The following CDH12 variants were observed in gnomAD, a reference collection of about 807,000 sequenced individuals.
CDH12 encodes cadherin 12.
CDH12 carries 41 observed loss-of-function variants against 74.1 expected under a neutral mutation model. The ratio of observed to expected loss-of-function variants is 0.55; its 90% CI spans 0.43 to 0.72. CDH12 has a LOEUF of 0.72. CDH12 is among the 30% of genes least tolerant of loss of function. CDH12 has a pLI of 0.00. For synonymous variants in CDH12, 399 were observed against 355.0 expected (o/e 1.12, Z -1.39); for missense variants, 945 against 977.2 (o/e 0.97, Z 0.44).
intron 3 of CDH12, among the ~76,000 whole-genome samples, chr5:22,354,403 G>A (rs979134605): frequency 6.6e-6 from 1 of 152,122 alleles, no homozygotes; most frequent in Non-Finnish European, 1.5e-5. Context: ...TTGTCAGTAG[G>A]TTCAGGGAGC....
intron 2 of CDH12, among the ~76,000 whole-genome samples, chr5:22,424,063 G>A (rs1478733973): frequency 1.3e-5 from 2 of 149,516 alleles, no homozygotes; most frequent in Non-Finnish European, 3.0e-5. Context: ...AAAAAAGAGG[G>A]TGACTGCATT....
chr5:22,763,644 T>A (rs1441880206), intron 1 of CDH12, among the ~76,000 whole-genome samples: 2 of 152,042 alleles, frequency 1.3e-5, no homozygotes, highest in African/African-American at 2.4e-5. Context: ...TTCTAACCTA[T>A]AAAAGTAAGA....
Position 22,814,102 on chromosome 5 carries a change from G to A in CDH12, c.-523+38956C>T, listed in dbSNP as rs147471154. On this transcript the variant is annotated intron_variant, in intron 1 of 14. Coordinates refer to ENST00000382254, the MANE Select transcript of CDH12 (RefSeq NM_004061.5). Reference sequence around the variant, plus strand: ...TGCAGAGATAAAGAGGAATACTTGAGTATTTGTTGATTTAGTCATTGAAAA... The same window carrying A: ...TGCAGAGATAAAGAGGAATACTTGAATATTTGTTGATTTAGTCATTGAAAA... 4.6e-5 allele frequency among the ~76,000 whole-genome samples: 7 copies of A among 152,194 alleles called. No individual in the cohort carries two copies. The East Asian group carries it at 1.2e-3, about 25-fold the overall frequency.
At chr5:22,841,577 A>T (rs886113061) in intron 1 of CDH12, among the ~76,000 whole-genome samples, 1 of 152,070 alleles carries the variant, frequency 6.6e-6, no homozygotes, top group African/African-American at 2.4e-5. Flanking sequence ...GTTGGATGAG[A>T]TCTCTAAGGG....
chr5:22,644,473 T>G (rs1288663314), intron 1 of CDH12, among the ~76,000 whole-genome samples: 1 of 151,892 alleles, frequency 6.6e-6, no homozygotes, highest in Non-Finnish European at 1.5e-5. Context: ...TCTTCAATTC[T>G]ATGAAGGTTG....
At chr5:22,488,299 T>C (rs1013607391) in intron 2 of CDH12, among the ~76,000 whole-genome samples, 1 of 152,230 alleles carries the variant, frequency 6.6e-6, no homozygotes, top group Non-Finnish European at 1.5e-5. Flanking sequence ...GAGAAAATAG[T>C]GCAAAATAAA....
chr5:22,371,319 A>G (rs1210183732), intron 3 of CDH12, among the ~76,000 whole-genome samples: 3 of 152,190 alleles, frequency 2.0e-5, no homozygotes, highest in Admixed American at 2.0e-4. Context: ...ATGCTTCTAC[A>G]TATAAGTATT....
chr5:22,498,489 T>A (rs1747196759), intron 2 of CDH12, among the ~76,000 whole-genome samples: 1 of 151,988 alleles, frequency 6.6e-6, no homozygotes, highest in East Asian at 1.9e-4. Flanking sequence ...CTACTGATAT[T>A]TTATATAAAC....
At chr5:22,039,262 T>C (rs953185561) in intron 5 of CDH12, among the ~76,000 whole-genome samples, 1 of 151,982 alleles carries the variant, frequency 6.6e-6, no homozygotes, top group Non-Finnish European at 1.5e-5. Flanking sequence ...ACCTCCAGAG[T>C]ACCTCTTCTT....
intron 3 of CDH12, among the ~76,000 whole-genome samples, chr5:22,336,786 G>A (rs1400526029): frequency 1.3e-5 from 2 of 152,242 alleles, no homozygotes; most frequent in Non-Finnish European, 2.9e-5. Flanking sequence ...CAGTGTGGAA[G>A]GGAAATGTGA....
intron 3 of CDH12, among the ~76,000 whole-genome samples, chr5:22,360,757 G>C (rs1580563679): frequency 6.6e-6 from 1 of 152,280 alleles, no homozygotes; most frequent in East Asian, 1.9e-4. Context: ...TCATCCCTGG[G>C]ATGCAAGGCT....
intron 1 of CDH12, among the ~76,000 whole-genome samples, chr5:22,586,821 CAG>C (rs1740424826): frequency 6.9e-6 from 1 of 145,236 alleles, no homozygotes. Flanking sequence ...CCCAATGCAA[CAG>C]AGTTTAGAGG....
intron 1 of CDH12, among the ~76,000 whole-genome samples, chr5:22,549,507 G>A (rs1738472250): frequency 6.6e-6 from 1 of 151,856 alleles, no homozygotes; most frequent in Non-Finnish European, 1.5e-5. Flanking sequence ...CTCTTCCAGA[G>A]AGCTATTTTG....
At position 22,676,170 on chromosome 5, in the gene CDH12, T is replaced by A. The variant is rs1036851880; in HGVS notation, c.-522-170806A>T. ...GTTTTTATTCTCATTGTTGTAACAGTAAGCATGCAATTTTCTAATATTTGA... is the reference window on the plus strand; with the variant it reads ...GTTTTTATTCTCATTGTTGTAACAGAAAGCATGCAATTTTCTAATATTTGA... On this transcript the variant is annotated intron_variant, in intron 1 of 14. Coordinates refer to ENST00000382254, the MANE Select transcript of CDH12 (RefSeq NM_004061.5). Among the ~76,000 whole-genome samples the A allele has an allele frequency of 5.3e-5, 8 of 151,994 alleles. 1 individual carries two copies. The highest frequency in any genetic ancestry group is 4.6e-4 in the Admixed American group (7 of 15,226).
intron 1 of CDH12, among the ~76,000 whole-genome samples, chr5:22,716,768 ACCCTGTG>A (rs1743601042): frequency 6.6e-6 from 1 of 152,052 alleles, no homozygotes; most frequent in Non-Finnish European, 1.5e-5. Flanking sequence ...GATGATCCTG[ACCCTGTG>A]TAGGCCTAGG....
intron 4 of CDH12, among the ~76,000 whole-genome samples, chr5:22,089,394 C>A (rs1580230975): frequency 6.6e-6 from 1 of 152,004 alleles, no homozygotes; most frequent in South Asian, 2.1e-4. Flanking sequence ...TTGAAGGAGC[C>A]TAGACAGTGG....
chr5:22,279,697 G>A (rs919954023), intron 3 of CDH12, among the ~76,000 whole-genome samples: 1 of 152,108 alleles, frequency 6.6e-6, no homozygotes, highest in Non-Finnish European at 1.5e-5. Context: ...CCCTACGAAG[G>A]ACATGAACTC....
intron 1 of CDH12, among the ~76,000 whole-genome samples, chr5:22,606,814 G>A (rs748273207): frequency 1.3e-5 from 2 of 152,172 alleles, no homozygotes; most frequent in Non-Finnish European, 2.9e-5. Context: ...ATTTGGAACA[G>A]TTTGGGTGTC....
intron 1 of CDH12, among the ~76,000 whole-genome samples, chr5:22,818,324 A>G (rs773157312): frequency 1.1e-4 from 16 of 151,930 alleles, no homozygotes; most frequent in Non-Finnish European, 1.6e-4. Flanking sequence ...GCTTTTCCCT[A>G]CCAAATGGTT....
Sources: gnomAD v4.1 joint callset for allele counts (sites outside exome capture counted in the v4.1 genomes callset) on GRCh38, gnomAD v4.1.1 for gene constraint, MANE v1.5 for transcripts, NCBI Gene and HGNC (gene_info 2026-07-23, HGNC 2026-07-21) for gene names.